Variants in SCAF4 observed in about 807,000 individuals in gnomAD.
SCAF4 encodes the protein SR-related CTD associated factor 4.
Under a neutral mutation model 129.8 loss-of-function variants are expected in SCAF4, and 25 were observed. The ratio of observed to expected loss-of-function variants is 0.19; its 90% CI spans 0.14 to 0.27. The LOEUF is 0.27. SCAF4 is among the 10% of genes least tolerant of loss of function. The probability of loss-of-function intolerance (pLI) is 1.00; values close to 1 mark genes in which losing one functional copy is unlikely to be tolerated. For missense variants in SCAF4, 1,246 were observed against 1,457.1 expected (o/e 0.86, Z 2.36); for synonymous variants, 551 against 497.7 (o/e 1.11, Z -1.43).
intron 19 of SCAF4, among the ~76,000 whole-genome samples, chr21:31,681,450 T>C (rs1163634275): frequency 6.6e-6 from 1 of 152,186 alleles, no homozygotes; most frequent in Non-Finnish European, 1.5e-5. Flanking sequence ...TAAAAATAGG[T>C]TGTACATATT....
At chr21:31,729,636 C>T (rs1362302309) in intron 1 of SCAF4, among the ~76,000 whole-genome samples, 4 of 152,078 alleles carry the variant, frequency 2.6e-5, no homozygotes, top group Non-Finnish European at 5.9e-5. Flanking sequence ...CAAGTAGGCA[C>T]AGTAAGATGA....
chr21:31,712,450 T>TTG (rs2050823250), intron 1 of SCAF4, among the ~76,000 whole-genome samples: 1 of 151,952 alleles, frequency 6.6e-6, no homozygotes, highest in Non-Finnish European at 1.5e-5. Context: ...AATCCTGGCC[T>TTG]TGTGTGATCT....
At chr21:31,702,574 A>C (rs1162251222) in intron 4 of SCAF4, among the ~76,000 whole-genome samples, 195 bp from the exon 5 acceptor site, 1 of 152,168 alleles carries the variant, frequency 6.6e-6, no homozygotes, top group East Asian at 1.9e-4. Flanking sequence ...TATCATCTAG[A>C]GTAAGGAACA....
Position 31,731,816 on chromosome 21 carries a change from G to A in SCAF4, c.-124C>T, listed in dbSNP as rs1173656523. 2.6e-6 allele frequency: 3 copies of A among 1,164,452 alleles called. No homozygotes were observed. The highest frequency in any genetic ancestry group is 2.4e-4 in the Middle Eastern group (1 of 4,116). 72.1% of individuals were successfully genotyped at this position (1,164,452 alleles called of 1,614,324 possible). A position where few individuals can be genotyped will look rare whatever the true frequency, so the allele number is the denominator to read the frequency against. Reference sequence around the variant, plus strand: ...GGGGAGGCGACGAGCGGCGGAGTCCGAGGCCCGGGCAGGAAGAGGCTGCGC... The same window carrying A: ...GGGGAGGCGACGAGCGGCGGAGTCCAAGGCCCGGGCAGGAAGAGGCTGCGC... On this transcript the variant is annotated 5_prime_UTR_variant, in exon 1 of 20. Transcript: ENST00000286835.
At chr21:31,723,629 T>TGTGTGTGTGTGTGTGTGCGC (rs1271033175) in intron 1 of SCAF4, among the ~76,000 whole-genome samples, 14 of 148,998 alleles carry the variant, frequency 9.4e-5, no homozygotes, top group African/African-American at 3.5e-4. Context: ...TGTGTGTGTG[T>TGTGTGTGTGTGTGTGTGCGC]GCGCGCGCGC....
intron 2 of SCAF4, among the ~76,000 whole-genome samples, chr21:31,705,820 C>T (rs1007692295): frequency 3.7e-4 from 56 of 152,230 alleles, no homozygotes; most frequent in African/African-American, 1.0e-3. Flanking sequence ...TTGGGTAAGA[C>T]ATTTAACTTC....
At chr21:31,672,427 G>T (rs949983256) in intron 19 of SCAF4, 73 bp from the exon 20 acceptor site, 2 of 1,168,204 alleles carry the variant, frequency 1.7e-6, no homozygotes, top group Non-Finnish European at 2.5e-6. Flanking sequence ...GTTCTGTGGC[G>T]CTTAAAGCAA....
At chr21:31,717,884 TACACATATATACACATATATAC>T (rs1221217103) in intron 1 of SCAF4, among the ~76,000 whole-genome samples, 3 of 115,382 alleles carry the variant, frequency 2.6e-5, no homozygotes, top group African/African-American at 1.1e-4. Flanking sequence ...TACACATATA[TACACATATATACACATATATAC>T]ACACACACAC....
At chr21:31,677,730 T>G (rs1316026313) in intron 19 of SCAF4, among the ~76,000 whole-genome samples, 1 of 152,176 alleles carries the variant, frequency 6.6e-6, no homozygotes, top group Non-Finnish European at 1.5e-5. Flanking sequence ...CTGTACCTTC[T>G]CAGCATCCTT....
In SCAF4 at chr21:31,671,490, A is replaced by G. The variant is rs370629329; in HGVS notation, c.3353T>C (p.Val1118Ala). Residue 1118 changes from valine (V) to alanine (A), a missense_variant, in exon 20 of 20, where the codon GTC (valine) becomes GCC (alanine). Physicochemically the swap from Val to Ala is moderately conservative, Grantham distance 64 (BLOSUM62 0). Coordinates refer to ENST00000286835, the MANE Select transcript of SCAF4 (RefSeq NM_020706.2). ...AGGTAACTCTTCAGAAGGCTTTAGGACTGCAGCCTCAGACACCCCCTTCTC... is the reference window on the plus strand; with the variant it reads ...AGGTAACTCTTCAGAAGGCTTTAGGGCTGCAGCCTCAGACACCCCCTTCTC... Reference protein sequence around the residue: ...ELEKGVSEAAVLKPSEELPAE... With the variant: ...ELEKGVSEAAALKPSEELPAE... 1.2e-5 allele frequency: 20 copies of G among 1,614,004 alleles called. No homozygotes were observed. The African/African-American group carries it at 2.3e-4, about 18-fold the overall frequency.
At chr21:31,690,652 C>A in intron 15 of SCAF4, 145 bp downstream of exon 15, 1 of 628,200 alleles carries the variant, frequency 1.6e-6, no homozygotes, top group African/African-American at 1.8e-5. Flanking sequence ...ATTTAACCCT[C>A]AGTTTATAAT....
chr21:31,679,217 A>G (rs1235875837), intron 19 of SCAF4, among the ~76,000 whole-genome samples: 1 of 152,172 alleles, frequency 6.6e-6, no homozygotes, highest in Non-Finnish European at 1.5e-5. Flanking sequence ...TCTCTACAGA[A>G]TGAGTGTCAC....
At chr21:31,702,803 G>T (rs541688782) in intron 4 of SCAF4, among the ~76,000 whole-genome samples, 24 of 152,184 alleles carry the variant, frequency 1.6e-4, no homozygotes, top group African/African-American at 5.8e-4. Flanking sequence ...CAAATATGAA[G>T]ATCCAGAGAA....
chr21:31,688,954 C>A (rs1435150015), intron 15 of SCAF4, among the ~76,000 whole-genome samples: 2 of 152,300 alleles, frequency 1.3e-5, no homozygotes, highest in East Asian at 3.9e-4. Context: ...CCACCTATTT[C>A]CACATATCTT....
chr21:31,731,638 C>T lies in SCAF4; in HGVS notation c.30+25G>A, dbSNP rs747800354. On this transcript the variant is annotated intron_variant, in intron 1 of 19. Coordinates refer to ENST00000286835, the MANE Select transcript of SCAF4 (RefSeq NM_020706.2). ...CCCGGCTCCCGCAGCAGGCCCGGCA[C>T]CCCCCTGCCCCAAACACCCCTTACC... is the stretch of plus-strand genomic sequence containing the variant. 8 of 1,584,734 alleles carry T rather than the reference C, an allele frequency of 5.0e-6. No individual in the cohort carries two copies. The East Asian group carries it at 1.9e-4, about 38-fold the overall frequency.
In SCAF4 at chr21:31,729,825, A is replaced by G. The variant is rs1029129213; in HGVS notation, c.30+1838T>C. 2.0e-5 allele frequency among the ~76,000 whole-genome samples: 3 copies of G among 152,322 alleles called. No individual in the cohort carries two copies. The South Asian group carries it at 6.2e-4, about 32-fold the overall frequency. ...AAATATCACTTCCCTTTTTCAAGGAATCAATACCATTCCTAACTTTGGTTT... is the reference window on the plus strand; with the variant it reads ...AAATATCACTTCCCTTTTTCAAGGAGTCAATACCATTCCTAACTTTGGTTT... On this transcript the variant is annotated intron_variant, in intron 1 of 19. Coordinates refer to ENST00000286835, the MANE Select transcript of SCAF4 (RefSeq NM_020706.2).
chr21:31,691,613 T>C (rs1227209609), intron 14 of SCAF4, among the ~76,000 whole-genome samples: 23 of 150,124 alleles, frequency 1.5e-4, no homozygotes, highest in Admixed American at 1.5e-3. Context: ...AATTCTACCA[T>C]GCACGTAACA....
intron 3 of SCAF4, 136 bp from the exon 4 acceptor site, chr21:31,704,062 C>T (rs1363940658): frequency 4.1e-6 from 2 of 492,778 alleles, no homozygotes; most frequent in East Asian, 5.9e-5. Flanking sequence ...AATGTTTCAG[C>T]TCTCTAAATG....
rs765206355 is a variant in SCAF4, at chr21:31,672,110, C to T, written c.2733G>A (p.Pro911=). 8.1e-6 allele frequency: 13 copies of T among 1,612,144 alleles called. No individual in the cohort carries two copies. Among genetic ancestry groups the T allele is most frequent in the Middle Eastern group, 1.6e-4 (1 of 6,074 alleles). ...PPHGMKGPFP[P]HGPFVRPGGM... Reference sequence around the variant, plus strand: ...CACCAGGCCTAACAAAGGGGCCATGCGGTGGGAAGGGACCTTTCATTCCAT... The same window carrying T: ...CACCAGGCCTAACAAAGGGGCCATGTGGTGGGAAGGGACCTTTCATTCCAT... Residue 911 remains proline (P), a synonymous_variant, in exon 20 of 20, where the codon CCG becomes CCA. Transcript: ENST00000286835.
Sources: gnomAD v4.1 joint callset for allele counts (sites outside exome capture counted in the v4.1 genomes callset) on GRCh38, gnomAD v4.1.1 for gene constraint, MANE v1.5 for transcripts, NCBI Gene and HGNC (gene_info 2026-07-23, HGNC 2026-07-21) for gene names.